Variants in SRD5A2 observed in about 807,000 individuals in gnomAD.
SRD5A2 encodes 3-oxo-5-alpha-steroid 4-dehydrogenase 2.
SRD5A2 carries 30 observed loss-of-function variants against 27.4 expected under a neutral mutation model. That is an observed-to-expected ratio of 1.10 (90% CI 0.82 to 1.49). The LOEUF is 1.49. Among genes scored for constraint, SRD5A2 ranks in the 40% most tolerant of loss-of-function variants. The pLI is 0.00. For missense variants in SRD5A2, 348 were observed against 323.4 expected (o/e 1.08, Z -0.58); for synonymous variants, 141 against 133.6 (o/e 1.06, Z -0.38).
the SRD5A2 span, among the ~76,000 whole-genome samples, chr2:31,622,968 T>TTTCACCTGCTTC: frequency 1.3e-3 from 194 of 152,202 alleles, 1 homozygote; most frequent in Admixed American, 3.3e-3. Context: ...TCACCTGCTT[T>TTTCACCTGCTTC]TTCACCTGCT....
chr2:31,602,773 A>C, the SRD5A2 span, among the ~76,000 whole-genome samples: 3 of 151,588 alleles, frequency 2.0e-5, no homozygotes, highest in African/African-American at 7.3e-5. Flanking sequence ...AATCATCTGA[A>C]CTTTGACAAA....
the SRD5A2 span, among the ~76,000 whole-genome samples, chr2:31,604,007 A>G: frequency 1.3e-5 from 2 of 151,910 alleles, no homozygotes; most frequent in Admixed American, 6.6e-5. Context: ...ACATTTATCT[A>G]TGTAAAAAAC....
intron 1 of SRD5A2, among the ~76,000 whole-genome samples, chr2:31,573,699 G>A (rs1029246021): frequency 1.3e-5 from 2 of 152,176 alleles, no homozygotes; most frequent in Non-Finnish European, 2.9e-5. Flanking sequence ...ATTACCTGAT[G>A]GGTCAATCTG....
intron 4 of SRD5A2, 89 bp downstream of exon 4, chr2:31,529,218 C>T (rs1444264266): frequency 3.9e-6 from 6 of 1,519,946 alleles, no homozygotes; most frequent in East Asian, 4.6e-5. Flanking sequence ...TAAATATCTT[C>T]GGTTTCTCAA....
chr2:31,555,670 C>T (rs1267273397), intron 1 of SRD5A2, among the ~76,000 whole-genome samples: 10 of 152,080 alleles, frequency 6.6e-5, no homozygotes, highest in Admixed American at 6.6e-4. Context: ...CTGGAATTTT[C>T]CAGTTATGAG....
the SRD5A2 span, among the ~76,000 whole-genome samples, chr2:31,590,654 G>A: frequency 6.6e-6 from 1 of 152,150 alleles, no homozygotes; most frequent in South Asian, 2.1e-4. Flanking sequence ...AAAGCTGGAG[G>A]CATCATGCTA....
intron 1 of SRD5A2, among the ~76,000 whole-genome samples, 179 bp downstream of exon 1, chr2:31,580,441 A>G (rs555733249): frequency 6.6e-6 from 1 of 152,186 alleles, no homozygotes; most frequent in South Asian, 2.1e-4. Context: ...TCAACTCTCT[A>G]GCGTCCAAGC....
upstream of SRD5A2, among the ~76,000 whole-genome samples, chr2:31,585,369 C>T (rs1396138061): frequency 6.6e-6 from 1 of 152,012 alleles, no homozygotes; most frequent in Non-Finnish European, 1.5e-5. Flanking sequence ...CCAGGCTGCA[C>T]AACTCACAAC....
rs1394419401 is a variant in SRD5A2, at chr2:31,531,365, C to T, written c.547+6G>A. 1.9e-6 allele frequency: 3 copies of T among 1,567,296 alleles called. No homozygotes were observed. The highest frequency in any genetic ancestry group is 2.7e-5 in the African/African-American group (2 of 74,114). The stretch of plus-strand genomic sequence containing the variant: ...AGTGAGAGTCTGGGGGCAGGGGAGA[C>T]ATTACCTTGTGGAATCCTGTAGCTG... On this transcript the variant is annotated splice_donor_region_variant and intron_variant, in intron 3 of 4. Transcript: ENST00000622030.
the SRD5A2 span, among the ~76,000 whole-genome samples, chr2:31,650,319 G>C: frequency 1.3e-5 from 2 of 152,256 alleles, no homozygotes; most frequent in Middle Eastern, 3.4e-3. Flanking sequence ...GAAAAAGTGA[G>C]GGATGGGCAA....
At chr2:31,634,593 A>T in the SRD5A2 span, among the ~76,000 whole-genome samples, 1 of 152,160 alleles carries the variant, frequency 6.6e-6, no homozygotes, top group African/African-American at 2.4e-5. Context: ...ATATGTATAC[A>T]TACATATAAT....
chr2:31,633,007 G>A, the SRD5A2 span, among the ~76,000 whole-genome samples: 1 of 152,078 alleles, frequency 6.6e-6, no homozygotes, highest in South Asian at 2.1e-4. Context: ...CACCTAAAGA[G>A]GTGGCAGTCT....
the SRD5A2 span, among the ~76,000 whole-genome samples, chr2:31,648,099 A>G: frequency 6.6e-6 from 1 of 152,192 alleles, no homozygotes; most frequent in Non-Finnish European, 1.5e-5. Context: ...CCCTCAGCAC[A>G]ATATAAGGGT....
upstream of SRD5A2, among the ~76,000 whole-genome samples, chr2:31,582,844 A>T (rs1228612090): frequency 6.6e-6 from 1 of 152,154 alleles, no homozygotes; most frequent in Non-Finnish European, 1.5e-5. Flanking sequence ...GCTGGCTCAT[A>T]GACTCAGTAA....
At chr2:31,610,181 A>G in the SRD5A2 span, among the ~76,000 whole-genome samples, 4 of 152,162 alleles carry the variant, frequency 2.6e-5, no homozygotes, top group Admixed American at 2.6e-4. Context: ...TGTGGTCAGC[A>G]TTATCCTGAT....
chr2:31,583,626 AAAC>A (rs1213712378), upstream of SRD5A2, among the ~76,000 whole-genome samples: 16 of 45,284 alleles, frequency 3.5e-4, no homozygotes, highest in Admixed American at 1.3e-3. Context: ...AAAAAAAAAA[AAAC>A]AAAAAAAAAG....
At chr2:31,599,439 A>G in the SRD5A2 span, among the ~76,000 whole-genome samples, 4 of 152,078 alleles carry the variant, frequency 2.6e-5, no homozygotes, top group Non-Finnish European at 5.9e-5. Context: ...CCTTCAAAAA[A>G]TGAAATAATA....
At chr2:31,609,351 C>G in the SRD5A2 span, among the ~76,000 whole-genome samples, 1 of 151,876 alleles carries the variant, frequency 6.6e-6, no homozygotes, top group Non-Finnish European at 1.5e-5. Flanking sequence ...TCACATTACC[C>G]AATTATAAAA....
At chr2:31,630,178 T>G in the SRD5A2 span, among the ~76,000 whole-genome samples, 1 of 152,234 alleles carries the variant, frequency 6.6e-6, no homozygotes, top group Non-Finnish European at 1.5e-5. Context: ...CTCCAAGCCT[T>G]GGCTCCTTGG....
Sources: allele counts gnomAD v4.1 joint callset (sites outside exome capture counted in the v4.1 genomes callset), GRCh38; gene constraint gnomAD v4.1.1; transcripts MANE v1.5; gene names NCBI Gene and HGNC (gene_info 2026-07-23, HGNC 2026-07-21).